ACTR3C: variants seen among roughly 807,000 people sequenced by gnomAD.
ACTR3C encodes actin related protein 3C.
In ACTR3C, 18 loss-of-function variants were observed where a neutral mutation model predicts 26.3. The ratio of observed to expected loss-of-function variants is 0.68; its 90% confidence interval spans 0.47 to 1.01. The LOEUF (loss-of-function observed/expected upper bound fraction) is 1.01, where lower values mean the gene tolerates loss of function less well. Ranked by LOEUF, ACTR3C falls within the 50% of genes least tolerant of loss-of-function variation. The pLI is 0.00. For missense variants in ACTR3C, 184 were observed against 250.7 expected, an observed-to-expected ratio of 0.73 and a Z score of 1.80; for synonymous variants, 55 against 94.5, an observed-to-expected ratio of 0.58 and a Z score of 2.42.
the ACTR3C span, among the ~76,000 whole-genome samples, chr7:150,236,308 C>A: frequency 1.3e-5 from 2 of 152,198 alleles, no homozygotes; most frequent in Non-Finnish European, 2.9e-5. Flanking sequence ...TTAGTATTAG[C>A]ATTCATCAAT....
At chr7:149,964,692 T>C in the ACTR3C span, among the ~76,000 whole-genome samples, 55 of 152,314 alleles carry the variant, frequency 3.6e-4, no homozygotes, top group African/African-American at 1.3e-3. Context: ...TATATATATT[T>C]AGTGAGCCAA....
the ACTR3C span, among the ~76,000 whole-genome samples, chr7:150,046,492 CTAAG>C: frequency 5.3e-5 from 8 of 151,754 alleles, 1 homozygote; most frequent in South Asian, 1.7e-3. Context: ...TCAGGGTAGA[CTAAG>C]TGAGAGGCCG....
the ACTR3C span, among the ~76,000 whole-genome samples, chr7:150,198,721 C>T: frequency 4.3e-5 from 6 of 140,748 alleles, no homozygotes; most frequent in African/African-American, 7.8e-5. Context: ...GGAGCGTCTC[C>T]GCCCGGCAGC....
the ACTR3C span, among the ~76,000 whole-genome samples, chr7:150,099,817 G>A: frequency 6.6e-6 from 1 of 151,520 alleles, no homozygotes; most frequent in Non-Finnish European, 1.5e-5. Context: ...AAAGCCTGGA[G>A]TCCATCAGTG....
the ACTR3C span, among the ~76,000 whole-genome samples, chr7:150,101,226 T>G: frequency 5.3e-5 from 8 of 151,514 alleles, no homozygotes; most frequent in Admixed American, 1.3e-4. Flanking sequence ...TCAGTGCCCA[T>G]AAGGTCAAAC....
the ACTR3C span, among the ~76,000 whole-genome samples, chr7:150,017,516 G>T: frequency 6.7e-6 from 1 of 150,186 alleles, no homozygotes; most frequent in African/African-American, 2.5e-5. Flanking sequence ...AATAGGTAGC[G>T]CAGGTGGGCC....
the ACTR3C span, among the ~76,000 whole-genome samples, chr7:150,051,238 T>A: frequency 1.3e-5 from 2 of 152,062 alleles, no homozygotes; most frequent in Admixed American, 6.6e-5. Context: ...TGGTCCCACA[T>A]ATAAAAGAAT....
chr7:150,287,307 T>TC (rs1265191852), intron 4 of ACTR3C, among the ~76,000 whole-genome samples: 1 of 151,828 alleles, frequency 6.6e-6, no homozygotes, highest in African/African-American at 2.4e-5. Flanking sequence ...AAGTGATAGG[T>TC]CCCGGGGAAG....
At chr7:150,053,440 G>A in the ACTR3C span, among the ~76,000 whole-genome samples, 2 of 152,072 alleles carry the variant, frequency 1.3e-5, no homozygotes, top group Non-Finnish European at 2.9e-5. Flanking sequence ...AGAGGTGATG[G>A]CTGCATTCAG....
chr7:150,286,675 A>G, intron 4 of ACTR3C, 135 bp from the exon 5 acceptor site: 1 of 1,142,238 alleles, frequency 8.8e-7, no homozygotes, highest in Non-Finnish European at 1.2e-6. Flanking sequence ...TCTAGTGTGG[A>G]TATGCATCAA....
At chr7:149,887,818 T>A in the ACTR3C span, among the ~76,000 whole-genome samples, 1 of 152,222 alleles carries the variant, frequency 6.6e-6, no homozygotes, top group Admixed American at 6.5e-5. Context: ...GGGGCTGGTC[T>A]TTCCCATGCT....
chr7:149,905,789 A>G, the ACTR3C span, among the ~76,000 whole-genome samples: 1 of 152,186 alleles, frequency 6.6e-6, no homozygotes, highest in African/African-American at 2.4e-5. Context: ...ACACAATACC[A>G]ATTATCAAGG....
chr7:150,147,550 A>G, the ACTR3C span, among the ~76,000 whole-genome samples: 127,674 of 152,132 alleles, frequency 0.84, 54,234 homozygotes, highest in East Asian at 0.98. Flanking sequence ...TCTTTCATCC[A>G]TCCTCCTTAT....
At chr7:150,090,060 C>T in the ACTR3C span, among the ~76,000 whole-genome samples, 2 of 152,170 alleles carry the variant, frequency 1.3e-5, no homozygotes. Context: ...GCATCAATGC[C>T]ACAGAAAGGT....
chr7:150,198,300 C>T, the ACTR3C span, among the ~76,000 whole-genome samples: 7 of 149,356 alleles, frequency 4.7e-5, no homozygotes, highest in Admixed American at 2.0e-4. Flanking sequence ...TCTGCCTGGC[C>T]GCCCATCGTC....
chr7:149,948,944 G>T, the ACTR3C span, among the ~76,000 whole-genome samples: 822 of 149,914 alleles, frequency 5.5e-3, 4 homozygotes, highest in African/African-American at 0.02. Context: ...AGATAAGCTT[G>T]GGCTATCGAA....
intron 1 of ACTR3C, among the ~76,000 whole-genome samples, chr7:150,301,943 G>A (rs1267574618): frequency 6.6e-6 from 1 of 152,056 alleles, no homozygotes. Context: ...GGAGACAGAC[G>A]GTGGCAATGG....
chr7:150,312,470 T>C (rs566839911), intron 1 of ACTR3C, among the ~76,000 whole-genome samples: 1 of 152,306 alleles, frequency 6.6e-6, no homozygotes, highest in Non-Finnish European at 1.5e-5. Context: ...GACAAAAAGC[T>C]TTGGTATGTA....
At chr7:149,924,926 G>C in the ACTR3C span, among the ~76,000 whole-genome samples, 4 of 152,192 alleles carry the variant, frequency 2.6e-5, no homozygotes, top group African/African-American at 9.6e-5. Flanking sequence ...ACTGCGCCGG[G>C]CCCAGTGACA....
Sources: gnomAD v4.1 joint callset for allele counts (sites outside exome capture counted in the v4.1 genomes callset) on GRCh38, gnomAD v4.1.1 for gene constraint, MANE v1.5 for transcripts, NCBI Gene and HGNC (gene_info 2026-07-23, HGNC 2026-07-21) for gene names.